The following GNG4 variants were observed in gnomAD, a reference collection of about 807,000 sequenced individuals.
GNG4 encodes G protein subunit gamma 4.
A neutral mutation model predicts 5.8 loss-of-function variants in GNG4; 4 were observed. That is an observed-to-expected ratio of 0.69 (90% CI 0.34 to 1.57). The LOEUF (loss-of-function observed/expected upper bound fraction) is 1.57, where lower values mean the gene tolerates loss of function less well. GNG4 is among the 40% of genes most tolerant of loss of function. The probability of loss-of-function intolerance (pLI) is 0.06; values close to 1 mark genes in which losing one functional copy is unlikely to be tolerated. For synonymous variants in GNG4, 29 were observed against 32.9 expected, an observed-to-expected ratio of 0.88 and a Z score of 0.41; for missense variants, 96 against 95.1, an observed-to-expected ratio of 1.01 and a Z score of -0.04.
At chr1:235,579,365 T>C (rs139066885) in intron 3 of GNG4, among the ~76,000 whole-genome samples, 2 of 151,530 alleles carry the variant, frequency 1.3e-5, no homozygotes, top group African/African-American at 2.4e-5. Context: ...GTCGTCATGA[T>C]AGTGAGTGAC....
intron 2 of GNG4, among the ~76,000 whole-genome samples, chr1:235,587,824 CAG>C (rs1687856953): frequency 8.8e-6 from 1 of 113,682 alleles, no homozygotes; most frequent in African/African-American, 3.2e-5. Context: ...AGGCACGTCT[CAG>C]AGCATGCGGG....
chr1:235,550,327 C>T lies in GNG4; in HGVS notation c.*1782G>A, dbSNP rs968055986. The T allele has an allele frequency of 6.6e-6, 1 of 152,192 alleles. No individual in the cohort carries two copies. The highest frequency in any genetic ancestry group is 6.5e-5 in the Admixed American group (1 of 15,272). 9.4% of individuals were successfully genotyped at this position (152,192 alleles called of 1,614,324 possible). On this transcript the variant is annotated 3_prime_UTR_variant, in exon 4 of 4. Transcript: ENST00000391854. ...ACAAAGGTGTTTGCTTCACGGTGTG[C>T]AGTTATGATAGTTTGTGGGTCTCCC...
At chr1:235,601,564 A>G (rs1034754062) in intron 1 of GNG4, among the ~76,000 whole-genome samples, 2 of 152,142 alleles carry the variant, frequency 1.3e-5, no homozygotes, top group Admixed American at 1.3e-4. Context: ...TAAATAAGCA[A>G]TGATCATATT....
Position 235,596,209 on chromosome 1 carries a change from T to TACACACACACACACACACACACACAC in GNG4, c.-122-724_-122-699dup, listed in dbSNP as rs59527448. 9.0e-5 allele frequency among the ~76,000 whole-genome samples: 12 copies of TACACACACACACACACACACACACAC among 133,572 alleles called. No individual in the cohort carries two copies. The East Asian group carries it at 9.6e-4, about 11-fold the overall frequency. The allele number at this position is 133,572 out of a possible 152,430, so 87.6% of individuals were successfully genotyped here. A position where few individuals can be genotyped will look rare whatever the true frequency, so the allele number is the denominator to read the frequency against. ...ACAAAACAAAAACAAACAAACAAAA[T>TACACACACACACACACACACACACAC]ACACACACACACACACACACACACA... On this transcript the variant is annotated intron_variant, in intron 1 of 3. Coordinates refer to ENST00000391854, the MANE Select transcript of GNG4 (RefSeq NM_001098722.2).
chr1:235,608,776 C>G (rs755897165), intron 1 of GNG4, among the ~76,000 whole-genome samples: 8 of 151,840 alleles, frequency 5.3e-5, no homozygotes, highest in Non-Finnish European at 1.0e-4. Context: ...CTCCGCCTCC[C>G]GAGTTGAAGT....
intron 1 of GNG4, among the ~76,000 whole-genome samples, chr1:235,621,863 G>C (rs1688719398): frequency 1.3e-5 from 2 of 152,144 alleles, no homozygotes; most frequent in South Asian, 4.1e-4. Context: ...TTTTAGTAGA[G>C]ATGGGGTTTT....
At chr1:235,587,909 T>C (rs1341897173) in intron 2 of GNG4, among the ~76,000 whole-genome samples, 2 of 144,166 alleles carry the variant, frequency 1.4e-5, no homozygotes, top group African/African-American at 5.1e-5. Context: ...AGTGTGAGTG[T>C]GTGGGTATAA....
intron 1 of GNG4, among the ~76,000 whole-genome samples, chr1:235,638,355 T>G (rs918949016): frequency 6.6e-6 from 1 of 152,184 alleles, no homozygotes; most frequent in Non-Finnish European, 1.5e-5. Flanking sequence ...AAGTCTGAAA[T>G]GGGTCTCGAT....
intron 3 of GNG4, among the ~76,000 whole-genome samples, chr1:235,570,923 TAC>T (rs1553365414): frequency 0.013 from 1,304 of 97,312 alleles, 19 homozygotes; most frequent in African/African-American, 0.047. Context: ...CATATATATA[TAC>T]ACACACACAC....
chr1:235,627,198 C>T (rs942339298), intron 1 of GNG4, among the ~76,000 whole-genome samples: 2 of 151,778 alleles, frequency 1.3e-5, no homozygotes, highest in Non-Finnish European at 2.9e-5. Context: ...TGCACTTACC[C>T]CATGACATAG....
chr1:235,588,593 G>A (rs1035992079), intron 2 of GNG4, among the ~76,000 whole-genome samples: 2 of 151,670 alleles, frequency 1.3e-5, no homozygotes, highest in African/African-American at 4.9e-5. Context: ...CGCTGCTGGA[G>A]AGACCCCCCC....
rs1321041604 is a variant in GNG4 at position 235,644,719 on chromosome 1, G to A, written c.-123+4943C>T. Among the ~76,000 whole-genome samples, 2 of 152,212 alleles carry A rather than the reference G, an allele frequency of 1.3e-5. No individual in the cohort carries two copies. Among genetic ancestry groups the A allele is most frequent in the Non-Finnish European group, 1.5e-5 (1 of 68,038 alleles). The stretch of plus-strand genomic sequence containing the variant: ...ACCGAATGAGGACTGACTCATGCTC[G>A]TTTAGTCGGCCACAGGCTAGGGGCA... On this transcript the variant is annotated intron_variant, in intron 1 of 3. Coordinates refer to ENST00000391854, the MANE Select transcript of GNG4 (RefSeq NM_001098722.2). The surrounding 1 kb of genome is among the most constrained non-coding windows in gnomAD (Gnocchi z 5.9).
chr1:235,602,543 A>G (rs114368610), intron 1 of GNG4, among the ~76,000 whole-genome samples: 1 of 152,328 alleles, frequency 6.6e-6, no homozygotes, highest in Non-Finnish European at 1.5e-5. Flanking sequence ...GCAGCTTTGC[A>G]TCTCACTAAC....
chr1:235,608,465 G>A (rs1291857438), intron 1 of GNG4, among the ~76,000 whole-genome samples: 2 of 152,034 alleles, frequency 1.3e-5, no homozygotes, highest in South Asian at 2.1e-4. Context: ...TCCAAAGCAC[G>A]TCCACACCTT....
chr1:235,586,379 CGTGT>C (rs141666278), intron 2 of GNG4, among the ~76,000 whole-genome samples: 3 of 151,712 alleles, frequency 2.0e-5, no homozygotes, highest in South Asian at 2.1e-4. Flanking sequence ...GCCATCTCTC[CGTGT>C]GTGTGTGTGT....
In GNG4 at chr1:235,596,209, T is replaced by TACACACACACACACACAC. The variant is rs59527448; in HGVS notation, c.-122-716_-122-699dup. Among the ~76,000 whole-genome samples, 322 of 133,566 alleles carry TACACACACACACACACAC rather than the reference T, an allele frequency of 2.4e-3. 1 individual carries two copies. Among genetic ancestry groups the TACACACACACACACACAC allele is most frequent in the African/African-American group, 6.9e-3 (250 of 36,180 alleles). The allele number at this position is 133,566 out of a possible 152,430, so 87.6% of individuals were successfully genotyped here. A position where few individuals can be genotyped will look rare whatever the true frequency, so the allele number is the denominator to read the frequency against. On this transcript the variant is annotated intron_variant, in intron 1 of 3. Transcript: ENST00000391854. ...ACAAAACAAAAACAAACAAACAAAA[T>TACACACACACACACACAC]ACACACACACACACACACACACACA...
chr1:235,584,797 C>T (rs1687721683), intron 2 of GNG4, among the ~76,000 whole-genome samples: 2 of 152,226 alleles, frequency 1.3e-5, no homozygotes, highest in African/African-American at 4.8e-5. Flanking sequence ...GTGACACTGG[C>T]TCCCAAAGGT....
intron 3 of GNG4, among the ~76,000 whole-genome samples, chr1:235,575,288 G>T (rs1418463572): frequency 6.6e-6 from 1 of 152,140 alleles, no homozygotes; most frequent in Admixed American, 6.6e-5. Context: ...GGTCACATCC[G>T]CATAAACCCA....
chr1:235,581,421 C>T (rs532241244), intron 3 of GNG4, among the ~76,000 whole-genome samples: 3 of 151,262 alleles, frequency 2.0e-5, no homozygotes, highest in South Asian at 4.2e-4. Context: ...CCCAGCTACT[C>T]GGGAGGCTGA....
Sources: gnomAD v4.1 joint callset for allele counts (sites outside exome capture counted in the v4.1 genomes callset) on GRCh38, gnomAD v4.1.1 for gene constraint, Gnocchi (gnomAD v3.1) non-coding constraint, MANE v1.5 for transcripts, NCBI Gene and HGNC (gene_info 2026-07-23, HGNC 2026-07-21) for gene names.